The following TNFRSF19 variants were observed in gnomAD, a reference collection of about 807,000 sequenced individuals.
TNFRSF19 encodes the protein tumor necrosis factor receptor superfamily member 19.
Under a neutral mutation model 46.4 loss-of-function variants are expected in TNFRSF19, and 27 were observed. The observed-to-expected ratio is 0.58, with a 90% CI of 0.43 to 0.80. The LOEUF (loss-of-function observed/expected upper bound fraction) is 0.80. Among genes scored for constraint, TNFRSF19 ranks in the 30% least tolerant of loss-of-function variants. The pLI is 0.00. For missense variants in TNFRSF19, 511 were observed against 530.8 expected (o/e 0.96, Z 0.37); for synonymous variants, 204 against 205.0 (o/e 1.00, Z 0.04).
chr13:23,669,786 TC>T (rs1466244087), intron 9 of TNFRSF19: 1 of 884,318 alleles, frequency 1.1e-6, no homozygotes, highest in Non-Finnish European at 1.4e-6. Flanking sequence ...GTCTCTGCTT[TC>T]TTCAGGTGAG....
chr13:23,605,880 G>A (rs904953896), intron 3 of TNFRSF19, among the ~76,000 whole-genome samples: 10 of 152,148 alleles, frequency 6.6e-5, no homozygotes, highest in Non-Finnish European at 1.0e-4. Flanking sequence ...TGTAATGGTG[G>A]ATGCATATCA....
intron 5 of TNFRSF19, among the ~76,000 whole-genome samples, chr13:23,633,945 C>T (rs1345234523): frequency 6.6e-6 from 1 of 152,110 alleles, no homozygotes; most frequent in Non-Finnish European, 1.5e-5. Flanking sequence ...AAAAATACAC[C>T]ATAAATGTAA....
chr13:23,614,825 G>A (rs1398797666), intron 3 of TNFRSF19, among the ~76,000 whole-genome samples: 14 of 150,012 alleles, frequency 9.3e-5, no homozygotes, highest in Non-Finnish European at 1.8e-4. Context: ...GGAATTAGAC[G>A]ATGTAGGTTG....
At position 23,619,012 on chromosome 13, in the gene TNFRSF19, A is replaced by T. The variant is rs765385320; in HGVS notation, c.359+2967A>T. Among the ~76,000 whole-genome samples, 7 of 152,338 alleles carry T rather than the reference A, an allele frequency of 4.6e-5. No homozygotes were observed. The South Asian group carries it at 6.2e-4, about 14-fold the overall frequency. ...CCCTCACCAGACGCCAGATACTGGC[A>T]TCTTGATCTTGGACTTCCCAGCCTT... On this transcript the variant is annotated intron_variant, in intron 4 of 9. Coordinates refer to ENST00000248484, the MANE Select transcript of TNFRSF19 (RefSeq NM_148957.4).
At chr13:23,582,004 T>C (rs748669429) in intron 1 of TNFRSF19, among the ~76,000 whole-genome samples, 7 of 152,134 alleles carry the variant, frequency 4.6e-5, no homozygotes, top group African/African-American at 9.7e-5. Context: ...AATAAATACA[T>C]TGATAGCTGC....
chr13:23,613,552 C>G (rs188514504), intron 3 of TNFRSF19, among the ~76,000 whole-genome samples: 1 of 152,292 alleles, frequency 6.6e-6, no homozygotes, highest in African/African-American at 2.4e-5. Context: ...CCTCCTTCTT[C>G]TTTTCCTTTG....
chr13:23,642,727 A>T (rs997388174), intron 5 of TNFRSF19, among the ~76,000 whole-genome samples: 1 of 152,230 alleles, frequency 6.6e-6, no homozygotes, highest in Admixed American at 6.5e-5. Context: ...TAGAAATTTA[A>T]ACTATGATCC....
intron 4 of TNFRSF19, among the ~76,000 whole-genome samples, chr13:23,623,800 C>T (rs1020956928): frequency 5.9e-5 from 9 of 152,016 alleles, no homozygotes; most frequent in African/African-American, 2.2e-4. Flanking sequence ...CTATTCAAGT[C>T]CCTTGCCCAT....
At chr13:23,654,703 T>C (rs1021574165) in intron 5 of TNFRSF19, among the ~76,000 whole-genome samples, 1 of 152,212 alleles carries the variant, frequency 6.6e-6, no homozygotes, top group African/African-American at 2.4e-5. Flanking sequence ...TGTGGAGCAG[T>C]GCGGTCTACT....
intron 5 of TNFRSF19, among the ~76,000 whole-genome samples, chr13:23,629,355 C>T (rs979097289): frequency 6.6e-6 from 1 of 152,194 alleles, no homozygotes; most frequent in Non-Finnish European, 1.5e-5. Context: ...ACCCTGTATG[C>T]TGCATGCTCT....
At chr13:23,640,909 A>G (rs796871684) in intron 5 of TNFRSF19, among the ~76,000 whole-genome samples, 8 of 152,184 alleles carry the variant, frequency 5.3e-5, no homozygotes, top group African/African-American at 1.9e-4. Context: ...CTTTTCTTGC[A>G]TGTATTTTAA....
intron 5 of TNFRSF19, among the ~76,000 whole-genome samples, chr13:23,637,810 C>T (rs774529082): frequency 2.6e-5 from 4 of 152,328 alleles, no homozygotes; most frequent in African/African-American, 7.2e-5. Flanking sequence ...GATCAGGGTC[C>T]GCAGGCTAAC....
At chr13:23,615,804 C>T (rs1365119264) in intron 3 of TNFRSF19, 63 bp from the exon 4 acceptor site, 9 of 1,464,878 alleles carry the variant, frequency 6.1e-6, no homozygotes, top group African/African-American at 1.4e-5. Flanking sequence ...TTCATCCTAG[C>T]GGTCTTTCCT....
intron 3 of TNFRSF19, among the ~76,000 whole-genome samples, chr13:23,613,780 C>T (rs868372307): frequency 2.5e-4 from 38 of 152,300 alleles, no homozygotes; most frequent in African/African-American, 7.9e-4. Context: ...AAAGCCTGTG[C>T]CTGCACACAG....
chr13:23,632,003 C>G (rs1014360227), intron 5 of TNFRSF19, among the ~76,000 whole-genome samples: 1 of 152,180 alleles, frequency 6.6e-6, no homozygotes, highest in Non-Finnish European at 1.5e-5. Flanking sequence ...GTGATTTTTA[C>G]TCTGTTTGTG....
intron 2 of TNFRSF19, among the ~76,000 whole-genome samples, chr13:23,592,318 T>C (rs1879369553): frequency 6.6e-6 from 1 of 152,112 alleles, no homozygotes; most frequent in South Asian, 2.1e-4. Context: ...GCATTCTTGC[T>C]TAGGGTAAGG....
At chr13:23,609,026 C>T (rs1880711958) in intron 3 of TNFRSF19, among the ~76,000 whole-genome samples, 1 of 152,160 alleles carries the variant, frequency 6.6e-6, no homozygotes, top group Admixed American at 6.5e-5. Context: ...CCTTTGCTTC[C>T]TTCCCTGTAA....
intron 3 of TNFRSF19, among the ~76,000 whole-genome samples, chr13:23,603,158 G>A (rs981647336): frequency 6.6e-6 from 1 of 151,996 alleles, no homozygotes; most frequent in Non-Finnish European, 1.5e-5. Flanking sequence ...AGTAATGAAA[G>A]CATGGACATC....
intron 4 of TNFRSF19, among the ~76,000 whole-genome samples, chr13:23,622,379 AG>A (rs1207205624): frequency 6.6e-6 from 1 of 152,194 alleles, no homozygotes; most frequent in African/African-American, 2.4e-5. Flanking sequence ...ACTGCACTCC[AG>A]CCTGGGCAAC....
Sources: allele counts gnomAD v4.1 joint callset (sites outside exome capture counted in the v4.1 genomes callset), GRCh38; gene constraint gnomAD v4.1.1; transcripts MANE v1.5; gene names NCBI Gene and HGNC (gene_info 2026-07-23, HGNC 2026-07-21).